PTK2: variants seen among roughly 807,000 people sequenced by gnomAD.
PTK2 encodes the protein protein tyrosine kinase 2.
Under a neutral mutation model 150.1 loss-of-function variants are expected in PTK2, and 45 were observed. That is an observed-to-expected ratio of 0.30 (90% CI 0.24 to 0.38). PTK2 has a LOEUF of 0.38. PTK2 is among the 10% of genes least tolerant of loss of function. The pLI, the probability that PTK2 is intolerant of heterozygous loss-of-function variation, is 1.00. For missense variants in PTK2, 919 were observed against 1,307.3 expected, an observed-to-expected ratio of 0.70 and a Z score of 4.58; for synonymous variants, 432 against 449.2, an observed-to-expected ratio of 0.96 and a Z score of 0.48.
intron 3 of PTK2, among the ~76,000 whole-genome samples, chr8:140,887,913 C>G (rs1348211720): frequency 6.6e-6 from 1 of 152,108 alleles, no homozygotes; most frequent in Non-Finnish European, 1.5e-5. Context: ...CTGCACATGG[C>G]TACGATAATG....
At chr8:140,671,848 C>T (rs890213470) in intron 29 of PTK2, among the ~76,000 whole-genome samples, 21 of 146,328 alleles carry the variant, frequency 1.4e-4, no homozygotes, top group Non-Finnish European at 2.4e-4. Flanking sequence ...AGGAGAATGG[C>T]GTGAACCCGG....
chr8:140,901,638 C>G (rs1414825050), intron 2 of PTK2, among the ~76,000 whole-genome samples: 1 of 148,686 alleles, frequency 6.7e-6, no homozygotes, highest in Non-Finnish European at 1.5e-5. Flanking sequence ...GGCAAGAAAG[C>G]AAGATCCTGT....
In PTK2 at chr8:140,813,351, T is replaced by G. The variant is rs192245838; in HGVS notation, c.867+4926A>C. 3.9e-3 allele frequency among the ~76,000 whole-genome samples: 592 copies of G among 151,170 alleles called. 9 individuals carry two copies. Among genetic ancestry groups the G allele is most frequent in the East Asian group, 4.7e-3 (24 of 5,140 alleles). On this transcript the variant is annotated intron_variant, in intron 10 of 31. Coordinates refer to ENST00000522684, the Ensembl canonical transcript of PTK2. The stretch of plus-strand genomic sequence containing the variant: ...GAAATGAATGAGAACCAAGACACAA[T>G]GTACCAGAATCTCTGGGACACAGGT...
chr8:140,882,083 A>G (rs571051827), intron 3 of PTK2, among the ~76,000 whole-genome samples: 1 of 152,348 alleles, frequency 6.6e-6, no homozygotes, highest in Non-Finnish European at 1.5e-5. Flanking sequence ...TTGCTTTCTC[A>G]TTACGCATCC....
At chr8:140,949,386 T>C (rs983892136) in intron 1 of PTK2, among the ~76,000 whole-genome samples, 4 of 152,148 alleles carry the variant, frequency 2.6e-5, no homozygotes, top group Admixed American at 6.5e-5. Flanking sequence ...CCCTACTGAG[T>C]TGGCGGGGCA....
chr8:140,751,148 T>C (rs1413412222), intron 17 of PTK2, among the ~76,000 whole-genome samples: 1 of 151,976 alleles, frequency 6.6e-6, no homozygotes, highest in Non-Finnish European at 1.5e-5. Context: ...TTTCCTGAGG[T>C]CTCTTCTTGC....
At chr8:140,753,235 G>A (rs1475620339) in intron 16 of PTK2, among the ~76,000 whole-genome samples, 1 of 152,188 alleles carries the variant, frequency 6.6e-6, no homozygotes, top group Non-Finnish European at 1.5e-5. Context: ...GAGAAGGGCT[G>A]AGATTCTGGT....
intron 2 of PTK2, among the ~76,000 whole-genome samples, chr8:140,908,185 G>A (rs2100161714): frequency 6.6e-6 from 1 of 152,152 alleles, no homozygotes; most frequent in Admixed American, 6.5e-5. Flanking sequence ...AGGTTTTGGT[G>A]GTCTGGATAG....
chr8:140,905,083 G>C (rs1301636689), intron 2 of PTK2, among the ~76,000 whole-genome samples: 1 of 152,146 alleles, frequency 6.6e-6, no homozygotes, highest in Non-Finnish European at 1.5e-5. Flanking sequence ...TAATTGTCAT[G>C]CTAGGGTGTC....
At chr8:140,916,052 T>G (rs1010501891) in intron 2 of PTK2, among the ~76,000 whole-genome samples, 7 of 152,078 alleles carry the variant, frequency 4.6e-5, no homozygotes, top group Non-Finnish European at 7.4e-5. Context: ...TGAGAAAAAG[T>G]TTAATACCCA....
chr8:140,852,522 C>T (rs2100129943), intron 5 of PTK2, among the ~76,000 whole-genome samples: 1 of 152,132 alleles, frequency 6.6e-6, no homozygotes, highest in African/African-American at 2.4e-5. Flanking sequence ...TATCAATTTC[C>T]TTATTCCTAT....
At chr8:140,977,244 G>T (rs2100189595) in intron 1 of PTK2, among the ~76,000 whole-genome samples, 1 of 152,046 alleles carries the variant, frequency 6.6e-6, no homozygotes, top group Non-Finnish European at 1.5e-5. Flanking sequence ...TTAAAAATTA[G>T]CCAGGTGTGG....
intron 1 of PTK2, among the ~76,000 whole-genome samples, chr8:140,973,419 T>C (rs748446889): frequency 1.3e-5 from 2 of 152,094 alleles, no homozygotes; most frequent in Non-Finnish European, 1.5e-5. Context: ...AGTAAAAGCT[T>C]TGGATCCTAA....
intron 14 of PTK2, among the ~76,000 whole-genome samples, chr8:140,777,938 G>GC (rs1361680257): frequency 3.9e-5 from 6 of 152,152 alleles, no homozygotes; most frequent in African/African-American, 1.4e-4. Flanking sequence ...GCCTTCAACT[G>GC]CCCTGCTCCT....
At chr8:141,000,379 G>A (rs1174895457) in intron 1 of PTK2, among the ~76,000 whole-genome samples, 2 of 152,204 alleles carry the variant, frequency 1.3e-5, no homozygotes, top group African/African-American at 2.4e-5. Flanking sequence ...TCGGGCACCG[G>A]CAGGCCGCTC....
rs1306048000 is a variant in PTK2 at position 140,706,236 on chromosome 8, A to C, written c.2143-31T>G. On this transcript the variant is annotated intron_variant, in intron 23 of 31. Transcript: ENST00000522684. ...AAATCAAGAGAGCATCATATGAATG[A>C]ACCTTTTGATTTTGACAAACCTGTA... 3.3e-6 allele frequency: 5 copies of C among 1,528,994 alleles called. No homozygotes were observed. In the South Asian group the frequency reaches 5.6e-5, roughly 17 times the overall value. The allele number at this position is 1,528,994 out of a possible 1,614,324, so 94.7% of individuals were successfully genotyped here.
At chr8:140,710,888 G>A (rs2100036419) in intron 23 of PTK2, among the ~76,000 whole-genome samples, 1 of 152,132 alleles carries the variant, frequency 6.6e-6, no homozygotes, top group African/African-American at 2.4e-5. Flanking sequence ...TGAGATTTCT[G>A]GCAATGAGAA....
intron 1 of PTK2, among the ~76,000 whole-genome samples, chr8:140,934,263 C>G (rs2100172876): frequency 6.6e-6 from 1 of 152,016 alleles, no homozygotes; most frequent in Admixed American, 6.6e-5. Context: ...GTAAATAGCA[C>G]TGGGGTCAGT....
intron 1 of PTK2, among the ~76,000 whole-genome samples, chr8:140,989,110 G>A (rs1203672397): frequency 1.3e-5 from 2 of 149,048 alleles, no homozygotes; most frequent in African/African-American, 4.9e-5. Context: ...GGGCACAGCG[G>A]CTCACACTTG....
Sources: allele counts gnomAD v4.1 joint callset (sites outside exome capture counted in the v4.1 genomes callset), GRCh38; gene constraint gnomAD v4.1.1; transcripts MANE v1.5; gene names NCBI Gene and HGNC (gene_info 2026-07-23, HGNC 2026-07-21).